NDC80: variants seen among roughly 807,000 people sequenced by gnomAD.
NDC80 encodes kinetochore protein NDC80 homolog.
NDC80 carries 69 observed loss-of-function variants against 89.3 expected under a neutral mutation model. That is an observed-to-expected ratio of 0.77 (90% CI 0.64 to 0.94). NDC80 has a LOEUF of 0.94. NDC80 is among the 40% of genes least tolerant of loss of function. The pLI is 0.00. For missense variants in NDC80, 593 were observed against 739.6 expected (o/e 0.80, Z 2.30); for synonymous variants, 243 against 255.6 (o/e 0.95, Z 0.47).
At chr18:2,597,309 A>G (rs2072662092) in intron 11 of NDC80, among the ~76,000 whole-genome samples, 2 of 152,232 alleles carry the variant, frequency 1.3e-5, no homozygotes, top group African/African-American at 4.8e-5. Context: ...GACTTTATCC[A>G]GAAAGCCCTA....
intron 16 of NDC80, 114 bp downstream of exon 16, chr18:2,610,975 A>C: frequency 1.6e-6 from 1 of 643,444 alleles, no homozygotes; most frequent in South Asian, 4.6e-5. Context: ...TTAAAGTATG[A>C]TCTGGCAAAA....
chr18:2,579,088 A>G, intron 6 of NDC80, 59 bp downstream of exon 6: 1 of 1,040,362 alleles, frequency 9.6e-7, no homozygotes, highest in Non-Finnish European at 1.3e-6. Context: ...CCTCAAAAAA[A>G]ATATTTTCTC....
intron 15 of NDC80, among the ~76,000 whole-genome samples, chr18:2,610,116 C>A (rs2072734963): frequency 6.6e-6 from 1 of 152,160 alleles, no homozygotes; most frequent in South Asian, 2.1e-4. Flanking sequence ...CAAACAGTGG[C>A]ATCCTTTCTT....
intron 9 of NDC80, 138 bp from the exon 10 acceptor site, chr18:2,589,880 T>C (rs891259560): frequency 8.8e-5 from 51 of 577,060 alleles, no homozygotes; most frequent in Non-Finnish European, 1.3e-4. Context: ...TTTTAGTTCT[T>C]TTGACTTCCT....
chr18:2,579,963 A>G (rs2072567710), intron 6 of NDC80, among the ~76,000 whole-genome samples: 1 of 152,074 alleles, frequency 6.6e-6, no homozygotes, highest in South Asian at 2.1e-4. Flanking sequence ...ATATGTGTAT[A>G]TGTGTGTATG....
chr18:2,613,086 G>C (rs1222777768), intron 16 of NDC80, among the ~76,000 whole-genome samples: 1 of 152,192 alleles, frequency 6.6e-6, no homozygotes, highest in Non-Finnish European at 1.5e-5. Context: ...CCCCATAAAG[G>C]TCTCACATGT....
intron 16 of NDC80, among the ~76,000 whole-genome samples, chr18:2,613,168 G>A (rs1274794487): frequency 6.6e-6 from 1 of 152,190 alleles, no homozygotes; most frequent in African/African-American, 2.4e-5. Flanking sequence ...GCCGGCTTTT[G>A]TAAATAAAGT....
intron 6 of NDC80, among the ~76,000 whole-genome samples, chr18:2,581,046 G>A (rs2072575565): frequency 6.6e-6 from 1 of 151,616 alleles, no homozygotes. Context: ...GGCCCTCCAA[G>A]CCCATTATTT....
chr18:2,610,895 A>G (rs760907258), intron 16 of NDC80, 34 bp downstream of exon 16: 1 of 1,294,818 alleles, frequency 7.7e-7, no homozygotes, highest in South Asian at 1.7e-5. Context: ...ACGTTCTAAG[A>G]AAGGTTTTTA....
rs144984820 is a variant in NDC80 at position 2,605,137 on chromosome 18, C to T, written c.1465-1278C>T. Among the ~76,000 whole-genome samples, 690 of 152,136 alleles carry T rather than the reference C, an allele frequency of 4.5e-3. 5 individuals are homozygous for T. Among genetic ancestry groups the T allele is most frequent in the African/African-American group, 0.016 (653 of 41,494 alleles). ...TGGCAGATGGGTATGTGGTGATGTTCTTTACCTTGATAAAGAATATAAAAG... is the reference window on the plus strand; with the variant it reads ...TGGCAGATGGGTATGTGGTGATGTTTTTTACCTTGATAAAGAATATAAAAG... On this transcript the variant is annotated intron_variant, in intron 13 of 16. Transcript: ENST00000261597.
intron 6 of NDC80, among the ~76,000 whole-genome samples, chr18:2,583,354 A>T (rs2072587762): frequency 6.6e-6 from 1 of 152,150 alleles, no homozygotes; most frequent in African/African-American, 2.4e-5. Context: ...ACAAGATATA[A>T]GATTCTGTTC....
intron 16 of NDC80, chr18:2,614,453 A>AGAGAG (rs1194290545): frequency 1.7e-4 from 1 of 5,920 alleles, no homozygotes; most frequent in African/African-American, 8.0e-4. Context: ...GAAAGAAAGA[A>AGAGAG]AGAAAGAAAG....
intron 10 of NDC80, among the ~76,000 whole-genome samples, chr18:2,593,283 A>G (rs564417765): frequency 6.6e-6 from 1 of 151,836 alleles, no homozygotes; most frequent in African/African-American, 2.4e-5. Context: ...CGAACTCCTG[A>G]CCTCAGGTGA....
At position 2,577,867 on chromosome 18, in the gene NDC80, G is replaced by T; in HGVS notation, c.301G>T (p.Glu101Ter). The T allele has an allele frequency of 6.2e-7, 1 of 1,613,672 alleles. No homozygotes were observed. The highest frequency in any genetic ancestry group is 2.2e-5 in the East Asian group (1 of 44,856). ...TCAGCAGTGTATTCGACAACTCTGT[G>T]AGGTACTTTAGGATTTTAATCTAAA... ...FIQQCIRQLC[E>*]FLTENGYAHN... Residue 101 changes from glutamate to a stop codon, truncating the protein, a stop_gained and splice_region_variant, in exon 4 of 17, where the codon GAG becomes TAG. Coordinates refer to ENST00000261597, the MANE Select transcript of NDC80 (RefSeq NM_006101.3). LOFTEE classifies it high-confidence loss of function.
intron 14 of NDC80, among the ~76,000 whole-genome samples, chr18:2,607,078 A>T (rs1451614062): frequency 1.3e-5 from 2 of 152,172 alleles, no homozygotes; most frequent in African/African-American, 4.8e-5. Flanking sequence ...AACTATGCCA[A>T]TATTTTTTAC....
intron 15 of NDC80, among the ~76,000 whole-genome samples, chr18:2,609,813 T>C (rs1162596955): frequency 2.0e-5 from 3 of 152,214 alleles, no homozygotes; most frequent in Non-Finnish European, 4.4e-5. Flanking sequence ...ATTTGATGTG[T>C]GTGCTTAGAT....
Position 2,596,726 on chromosome 18 carries a change from C to T in NDC80, c.1221+1105C>T, listed in dbSNP as rs200083606. Among the ~76,000 whole-genome samples the T allele has an allele frequency of 0.011, 1,688 of 152,190 alleles. 71 individuals are homozygous for T. In the East Asian group the frequency reaches 0.14, roughly 12 times the overall value. ...ATGCTGCTATAAAGACCCATGCACA[C>T]ATATGTTTATTGCGGCACTATTCAC... On this transcript the variant is annotated intron_variant, in intron 11 of 16. Coordinates refer to ENST00000261597, the MANE Select transcript of NDC80 (RefSeq NM_006101.3).
chr18:2,599,103 G>T lies in NDC80; in HGVS notation c.1306G>T (p.Asp436Tyr), dbSNP rs1254033193. ...PKGAENSKGY[D>Y]FEIKFNPEAG... is the part of the protein sequence containing the mutation. The stretch of plus-strand genomic sequence containing the variant: ...AGGTGCTGAGAATTCCAAAGGTTAT[G>T]ACTTTGAAATTAAGTTTAATCCCGA... The change falls in exon 12 of 17, where the codon GAC (aspartate) becomes TAC (tyrosine). Residue 436 changes from aspartate to tyrosine, a missense_variant. Physicochemically the swap from Asp to Tyr is radical, Grantham distance 160. Coordinates refer to ENST00000261597, the MANE Select transcript of NDC80 (RefSeq NM_006101.3). 1.2e-6 allele frequency: 2 copies of T among 1,613,118 alleles called. No homozygotes were observed. The highest frequency in any genetic ancestry group is 1.3e-5 in the African/African-American group (1 of 75,028).
intron 12 of NDC80, among the ~76,000 whole-genome samples, chr18:2,600,856 G>A (rs2072680803): frequency 6.6e-6 from 1 of 152,140 alleles, no homozygotes; most frequent in Non-Finnish European, 1.5e-5. Flanking sequence ...TTAATTGTAT[G>A]TTAACGTCAT....
Sources: gnomAD v4.1 joint callset for allele counts (sites outside exome capture counted in the v4.1 genomes callset) on GRCh38, gnomAD v4.1.1 for gene constraint, MANE v1.5 for transcripts, NCBI Gene and HGNC (gene_info 2026-07-23, HGNC 2026-07-21) for gene names.